DGKB: variants seen among roughly 807,000 people sequenced by gnomAD.
DGKB encodes the protein 90 kDa diacylglycerol kinase.
Under a neutral mutation model 114.3 loss-of-function variants are expected in DGKB, and 67 were observed. The ratio of observed to expected loss-of-function variants is 0.59; its 90% CI spans 0.48 to 0.72. The LOEUF (loss-of-function observed/expected upper bound fraction) is 0.72, where lower values mean the gene tolerates loss of function less well. Ranked by LOEUF, DGKB falls within the 30% of genes least tolerant of loss-of-function variation. DGKB has a pLI of 0.00. For missense variants in DGKB, 907 were observed against 975.2 expected (o/e 0.93, Z 0.93); for synonymous variants, 398 against 323.1 (o/e 1.23, Z -2.49).
Position 14,317,556 on chromosome 7 carries a change from G to T in DGKB, c.2122+20959C>A, listed in dbSNP as rs1264982371. On this transcript the variant is annotated intron_variant, in intron 23 of 25. Coordinates refer to ENST00000402815, the MANE Select transcript of DGKB (RefSeq NM_001350709.2). ...CACAATTGCTTCAAAGAGAATAAAA[G>T]ACCTAGGAATCCAACTTACAAGGGA... 2.6e-3 allele frequency among the ~76,000 whole-genome samples: 388 copies of T among 149,508 alleles called. 3 individuals carry two copies. The highest frequency in any genetic ancestry group is 9.1e-3 in the African/African-American group (362 of 39,736).
At chr7:14,970,643 G>A (rs192014259) in intron 1 of DGKB, among the ~76,000 whole-genome samples, 3 of 152,122 alleles carry the variant, frequency 2.0e-5, no homozygotes, top group Admixed American at 6.6e-5. Context: ...AGTGAAAGCG[G>A]GTAAAATTGC....
intron 2 of DGKB, among the ~76,000 whole-genome samples, chr7:14,805,390 T>A: frequency 6.6e-6 from 1 of 152,080 alleles, no homozygotes; most frequent in East Asian, 1.9e-4. Context: ...TTTTTCTCTG[T>A]ATATACTGTC....
At chr7:14,561,409 A>G (rs1268278145) in intron 20 of DGKB, among the ~76,000 whole-genome samples, 2 of 152,190 alleles carry the variant, frequency 1.3e-5, no homozygotes, top group Non-Finnish European at 2.9e-5. Context: ...GTAAATTGGT[A>G]CCAAGAGTGG....
At chr7:14,567,794 G>A (rs533682403) in intron 20 of DGKB, among the ~76,000 whole-genome samples, 2 of 150,850 alleles carry the variant, frequency 1.3e-5, no homozygotes, top group Admixed American at 6.7e-5. Flanking sequence ...TTTAGTAGAG[G>A]TGCGGTTTTA....
At chr7:14,478,114 A>G (rs1336610728) in intron 21 of DGKB, 47 bp downstream of exon 21, 4 of 1,372,246 alleles carry the variant, frequency 2.9e-6, no homozygotes, top group Admixed American at 2.0e-5. Context: ...TTTTTATGGC[A>G]AAATTCAGCA....
intron 13 of DGKB, among the ~76,000 whole-genome samples, chr7:14,634,575 C>A (rs1429622083): frequency 2.7e-5 from 4 of 150,570 alleles, no homozygotes; most frequent in Admixed American, 6.6e-5. Context: ...CAATAACTTC[C>A]AGTGTAGTAG....
rs73280216 is a variant in DGKB, at chr7:14,808,264, C to T, written c.70+32930G>A. Among the ~76,000 whole-genome samples, 1,006 of 152,010 alleles carry T rather than the reference C, an allele frequency of 6.6e-3. 13 individuals carry two copies. The highest frequency in any genetic ancestry group is 0.022 in the African/African-American group (925 of 41,508). On this transcript the variant is annotated intron_variant, in intron 2 of 25. Transcript: ENST00000402815. The stretch of plus-strand genomic sequence containing the variant: ...CCCAAAGGTGACAATATTTGCTCTA[C>T]AGAAAATAGCATTATGAAGCAAATA...
intron 4 of DGKB, among the ~76,000 whole-genome samples, chr7:14,749,207 G>T (rs1833780497): frequency 6.6e-6 from 1 of 151,962 alleles, no homozygotes. Flanking sequence ...TTTAAATATT[G>T]CATTTCTTAT....
chr7:14,836,988 T>G (rs1847252317), intron 2 of DGKB, among the ~76,000 whole-genome samples: 1 of 152,206 alleles, frequency 6.6e-6, no homozygotes. Flanking sequence ...TCTAGTAAGA[T>G]AATAATTGTA....
At chr7:14,779,693 A>G (rs1838778284) in intron 2 of DGKB, among the ~76,000 whole-genome samples, 1 of 152,162 alleles carries the variant, frequency 6.6e-6, no homozygotes, top group Non-Finnish European at 1.5e-5. Context: ...TCTTGTCACA[A>G]TATCTATTTA....
At chr7:14,556,571 T>C (rs1346829815) in intron 20 of DGKB, among the ~76,000 whole-genome samples, 2 of 152,102 alleles carry the variant, frequency 1.3e-5, no homozygotes, top group African/African-American at 4.8e-5. Context: ...TTTGATTTAT[T>C]AAAAAAGCTT....
At chr7:14,174,677 C>A (rs866546831) in intron 25 of DGKB, among the ~76,000 whole-genome samples, 1 of 152,064 alleles carries the variant, frequency 6.6e-6, no homozygotes, top group Non-Finnish European at 1.5e-5. Context: ...ACCATTACCA[C>A]GAGTTTTACC....
chr7:14,430,594 G>C (rs759338601), intron 21 of DGKB, among the ~76,000 whole-genome samples: 2 of 152,088 alleles, frequency 1.3e-5, no homozygotes, highest in African/African-American at 2.4e-5. Context: ...CATTGATTCC[G>C]TAAATGTTTC....
At chr7:14,291,756 T>A (rs17168049) in intron 23 of DGKB, among the ~76,000 whole-genome samples, 8,330 of 152,220 alleles carry the variant, frequency 0.055, 746 homozygotes, top group African/African-American at 0.19. Flanking sequence ...TCCAACAGAA[T>A]TATTCAATGA....
At chr7:14,245,163 C>G (rs1335873297) in intron 23 of DGKB, among the ~76,000 whole-genome samples, 3 of 150,816 alleles carry the variant, frequency 2.0e-5, no homozygotes, top group African/African-American at 7.4e-5. Context: ...TGCATATGTA[C>G]ACATACACAC....
chr7:14,316,812 C>T (rs1044138092), intron 23 of DGKB, among the ~76,000 whole-genome samples: 2 of 150,896 alleles, frequency 1.3e-5, no homozygotes, highest in African/African-American at 4.9e-5. Flanking sequence ...GATATCAAAG[C>T]CGGGCAGAGA....
intron 21 of DGKB, among the ~76,000 whole-genome samples, chr7:14,347,678 G>C (rs952222988): frequency 3.9e-5 from 6 of 151,962 alleles, no homozygotes; most frequent in Non-Finnish European, 7.4e-5. Context: ...AGATAAGTAA[G>C]TTTTGGAGAC....
chr7:14,474,089 G>A (rs1365292871), intron 21 of DGKB, among the ~76,000 whole-genome samples: 2 of 152,046 alleles, frequency 1.3e-5, no homozygotes, highest in African/African-American at 4.8e-5. Flanking sequence ...GATTTGGGAG[G>A]GGCCATGGGC....
At chr7:14,539,214 A>G (rs1332390787) in intron 20 of DGKB, among the ~76,000 whole-genome samples, 1 of 152,142 alleles carries the variant, frequency 6.6e-6, no homozygotes, top group Non-Finnish European at 1.5e-5. Context: ...TATGTTTGTT[A>G]CCTTGATTAT....
Sources: allele counts gnomAD v4.1 joint callset (sites outside exome capture counted in the v4.1 genomes callset), GRCh38; gene constraint gnomAD v4.1.1; transcripts MANE v1.5; gene names NCBI Gene and HGNC (gene_info 2026-07-23, HGNC 2026-07-21).